Variants in GGA1 observed in about 807,000 individuals in gnomAD.
The protein encoded by GGA1 is golgi associated, gamma adaptin ear containing, ARF binding protein 1.
A neutral mutation model predicts 76.9 loss-of-function variants in GGA1; 18 were observed. The ratio of observed to expected loss-of-function variants is 0.23; its 90% CI spans 0.16 to 0.35. The LOEUF is 0.35. GGA1 is among the 10% of genes least tolerant of loss of function. GGA1 has a pLI of 1.00. For missense variants in GGA1, 755 were observed against 859.0 expected (o/e 0.88, Z 1.51); for synonymous variants, 342 against 354.7 (o/e 0.96, Z 0.40).
At chr22:37,617,099 G>A (rs1601516601) in intron 3 of GGA1, 102 bp downstream of exon 3, 2 of 1,543,576 alleles carry the variant, frequency 1.3e-6, no homozygotes, top group African/African-American at 1.4e-5. Flanking sequence ...CAGAGCCCAA[G>A]AGAGTTGTGC....
rs1016545263 is a variant in GGA1 at position 37,624,908 on chromosome 22, C to T, written c.833-61C>T. 2 of 1,533,604 alleles carry T rather than the reference C, an allele frequency of 1.3e-6. No individual in the cohort carries two copies. The highest frequency in any genetic ancestry group is 1.8e-6 in the Non-Finnish European group (2 of 1,135,030). The allele number at this position is 1,533,604 out of a possible 1,614,324, so 95.0% of individuals were successfully genotyped here. On this transcript the variant is annotated intron_variant, in intron 9 of 16. Coordinates refer to ENST00000343632, the MANE Select transcript of GGA1 (RefSeq NM_013365.5). The surrounding 1 kb of genome is among the most constrained non-coding windows in gnomAD (Gnocchi z 4.3). ...TGTGATGGATGTGGGGTCCTCGTCCCCTGCCGCCCAGAGGCCCCCACAGTC... is the reference window on the plus strand; with the variant it reads ...TGTGATGGATGTGGGGTCCTCGTCCTCTGCCGCCCAGAGGCCCCCACAGTC...
Position 37,623,233 on chromosome 22 carries a change from A to G in GGA1, c.610-94A>G, listed in dbSNP as rs138886546. On this transcript the variant is annotated intron_variant, in intron 7 of 16. Transcript: ENST00000343632. The surrounding 1 kb of genome is among the most constrained non-coding windows in gnomAD (Gnocchi z 4.6). ...TGATCCCACAGTCACCCAGCTGTCA[A>G]CCCAGATCCCAGCACACATTCTCTC... 4 of 1,230,640 alleles carry G rather than the reference A, an allele frequency of 3.3e-6. No individual in the cohort carries two copies. In the African/African-American group the frequency reaches 4.4e-5, roughly 14 times the overall value. The allele number at this position is 1,230,640 out of a possible 1,614,324, so 76.2% of individuals were successfully genotyped here.
chr22:37,623,406 A>T lies in GGA1; in HGVS notation c.689A>T (p.Glu230Val). ...AACAACAATGTGAAACTGCTCACGG[A>T]GATGGTGATGAGCCACAGCCAGGGC... ...EVNNNVKLLT[E>V]MVMSHSQGGA... Residue 230 changes from glutamate (E) to valine (V), a missense_variant, in exon 8 of 17, where the codon GAG (glutamate) becomes GTG (valine). Coordinates refer to ENST00000343632, the MANE Select transcript of GGA1 (RefSeq NM_013365.5). This position sits in a 1 kb window ranked among gnomAD's most constrained non-coding sequence, Gnocchi z 4.6. The T allele has an allele frequency of 6.2e-7, 1 of 1,613,920 alleles. No individual in the cohort carries two copies. Among genetic ancestry groups the T allele is most frequent in the South Asian group, 1.1e-5 (1 of 91,084 alleles).
In GGA1 at chr22:37,633,019, T is replaced by A; in HGVS notation, c.*308T>A. 1 of 368,506 alleles carries A rather than the reference T, an allele frequency of 2.7e-6. No individual in the cohort carries two copies. The highest frequency in any genetic ancestry group is 5.2e-5 in the East Asian group (1 of 19,236). 22.8% of individuals were successfully genotyped at this position (368,506 alleles called of 1,614,324 possible). Reference sequence around the variant, plus strand: ...TTGGGTCATGGGGAGGAAGCACAGCTGTTGGGGAAGGGCCAGGACCTCAGG... The same window carrying A: ...TTGGGTCATGGGGAGGAAGCACAGCAGTTGGGGAAGGGCCAGGACCTCAGG... On this transcript the variant is annotated 3_prime_UTR_variant, in exon 17 of 17. Transcript: ENST00000343632.
rs752726816 is a variant in GGA1 at position 37,630,067 on chromosome 22, G to T, written c.1228G>T (p.Ala410Ser). 5.0e-6 allele frequency: 8 copies of T among 1,608,114 alleles called. No individual in the cohort carries two copies. The part of the protein sequence containing the change: ...QAPSMESRPP[A>S]QTSLPASSGL... ...CCCCAGTATGGAAAGCCGACCCCCA[G>T]CGCAGACATCCCTGCCAGCAAGCAG... Residue 410 changes from alanine to serine, a missense_variant, in exon 13 of 17, where the codon GCG (alanine) becomes TCG (serine). Transcript: ENST00000343632.
At chr22:37,631,757 G>A (rs1438871353) in intron 14 of GGA1, among the ~76,000 whole-genome samples, 4 of 152,174 alleles carry the variant, frequency 2.6e-5, no homozygotes, top group Non-Finnish European at 4.4e-5. Flanking sequence ...GCTGTGACTC[G>A]GCTCTGGGGT....
intron 1 of GGA1, among the ~76,000 whole-genome samples, chr22:37,611,089 T>G (rs1313875291): frequency 6.6e-6 from 1 of 152,210 alleles, no homozygotes; most frequent in African/African-American, 2.4e-5. Flanking sequence ...GGGCAGTGAT[T>G]CTCTAACTTT....
intron 1 of GGA1, among the ~76,000 whole-genome samples, chr22:37,611,018 G>A (rs1271194300): frequency 6.6e-6 from 1 of 152,210 alleles, no homozygotes; most frequent in Non-Finnish European, 1.5e-5. Flanking sequence ...TCCAACTCAC[G>A]TGTCTTTGAC....
In GGA1 at chr22:37,624,687, G is replaced by A; in HGVS notation, c.833-282G>A. 2.7e-6 allele frequency: 1 copy of A among 376,704 alleles called. No individual in the cohort carries two copies. The highest frequency in any genetic ancestry group is 3.6e-5 in the Admixed American group (1 of 27,570). 23.3% of individuals were successfully genotyped at this position (376,704 alleles called of 1,614,324 possible). ...GGATGAAGCCATGCAGAGATCTGGG[G>A]CAGCCAGAGAGCAGAGCTGGAGTGG... On this transcript the variant is annotated intron_variant, in intron 9 of 16. Transcript: ENST00000343632. This position sits in a 1 kb window ranked among gnomAD's most constrained non-coding sequence, Gnocchi z 4.3.
At chr22:37,620,588 C>T (rs1461580928) in intron 5 of GGA1, among the ~76,000 whole-genome samples, 2 of 152,174 alleles carry the variant, frequency 1.3e-5, no homozygotes, top group Non-Finnish European at 2.9e-5. Flanking sequence ...AAAGAGTGGT[C>T]TCCAGGGAGT....
At position 37,631,077 on chromosome 22, in the gene GGA1, G is replaced by GC; in HGVS notation, c.1510dup (p.Leu504ProfsTer16). ...AGCTCTCACTGGCCAGCATCACTGT[G>GC]CCCCTGGAGTCCATCAAACCCAGTG... On this transcript the variant is annotated frameshift_variant, in exon 14 of 17. Transcript: ENST00000343632. LOFTEE classifies it high-confidence loss of function. 2 of 1,595,532 alleles carry GC rather than the reference G, an allele frequency of 1.3e-6. No individual in the cohort carries two copies. Among genetic ancestry groups the GC allele is most frequent in the Non-Finnish European group, 1.7e-6 (2 of 1,172,890 alleles).
At chr22:37,617,909 AT>A (rs1374494961) in intron 3 of GGA1, 1 of 194,102 alleles carries the variant, frequency 5.2e-6, no homozygotes, top group Non-Finnish European at 9.4e-6. Context: ...ATCACCTGAG[AT>A]CAGGAGTTCA....
intron 1 of GGA1, chr22:37,610,027 G>C (rs558477110): frequency 6.5e-6 from 1 of 152,708 alleles, no homozygotes; most frequent in East Asian, 1.9e-4. Context: ...AGCAGCCCTT[G>C]ACCGTTGTGA....
intron 7 of GGA1, among the ~76,000 whole-genome samples, chr22:37,621,971 A>G (rs1929974051): frequency 6.6e-6 from 1 of 152,100 alleles, no homozygotes; most frequent in African/African-American, 2.4e-5. Context: ...AATACTAAGT[A>G]TTTTTAAAAT....
rs1932135099 is a variant in GGA1, at chr22:37,633,356, C to T, written c.*645C>T. ...TGGGCCCCCTGAGGGACTGTGGGGG[C>T]TCAAGGGTAATGCCAGAGGCCCATG... On this transcript the variant is annotated 3_prime_UTR_variant, in exon 17 of 17. Transcript: ENST00000343632. The T allele has an allele frequency of 6.6e-6, 1 of 151,942 alleles. No homozygotes were observed. Among genetic ancestry groups the T allele is most frequent in the Non-Finnish European group, 1.5e-5 (1 of 68,024 alleles). The allele number at this position is 151,942 out of a possible 1,614,324, so 9.4% of individuals were successfully genotyped here. A position where few individuals can be genotyped will look rare whatever the true frequency, so the allele number is the denominator to read the frequency against.
intron 4 of GGA1, 168 bp from the exon 5 acceptor site, chr22:37,620,070 G>A (rs931683602): frequency 2.9e-6 from 2 of 697,410 alleles, no homozygotes; most frequent in African/African-American, 1.8e-5. Flanking sequence ...GGCAGGGGTA[G>A]TAGGTGAACT....
intron 5 of GGA1, 36 bp from the exon 6 acceptor site, chr22:37,620,777 C>A (rs1312942956): frequency 2.4e-6 from 3 of 1,275,612 alleles, no homozygotes; most frequent in East Asian, 2.3e-5. Context: ...GGGCCTGGGA[C>A]ATATTGACAG....
Position 37,620,876 on chromosome 22 carries a change from C to T in GGA1, c.491C>T (p.Pro164Leu), listed in dbSNP as rs368458302. ...DTTFPLPPPRPKNVIFEDEEK... is the reference protein window; with the variant it reads ...DTTFPLPPPRLKNVIFEDEEK... ...ACCTTTCCCCTTCCTCCTCCACGGCCGAAGAATGTGATCTTTGAAGATGAG... is the reference window on the plus strand; with the variant it reads ...ACCTTTCCCCTTCCTCCTCCACGGCTGAAGAATGTGATCTTTGAAGATGAG... The change falls in exon 6 of 17, where the codon CCG (proline) becomes CTG (leucine). Residue 164 changes from proline (P) to leucine (L), a missense_variant. Coordinates refer to ENST00000343632, the MANE Select transcript of GGA1 (RefSeq NM_013365.5). 44 of 1,611,860 alleles carry T rather than the reference C, an allele frequency of 2.7e-5. No homozygotes were observed. Among genetic ancestry groups the T allele is most frequent in the African/African-American group, 1.7e-4 (13 of 74,846 alleles).
intron 1 of GGA1, chr22:37,610,069 C>T (rs1236928631): frequency 1.3e-5 from 2 of 152,404 alleles, no homozygotes; most frequent in Non-Finnish European, 2.9e-5. Context: ...GTCTCAGCAG[C>T]AACTGGGCTG....
Sources: allele counts gnomAD v4.1 joint callset (sites outside exome capture counted in the v4.1 genomes callset), GRCh38; gene constraint gnomAD v4.1.1; non-coding constraint Gnocchi (gnomAD v3.1); transcripts MANE v1.5; gene names NCBI Gene and HGNC (gene_info 2026-07-23, HGNC 2026-07-21).